The following FMO4 variants were observed in gnomAD, a reference collection of about 807,000 sequenced individuals.
FMO4 encodes the protein flavin containing dimethylaniline monoxygenase 4, also known as dimethylaniline monooxygenase [N-oxide-forming] 4.
FMO4 carries 38 observed loss-of-function variants against 43.3 expected under a neutral mutation model. The observed-to-expected ratio is 0.88, with a 90% CI of 0.68 to 1.15. The LOEUF is 1.15. Ranked by LOEUF, FMO4 falls within the 50% of genes most tolerant of loss-of-function variation. The pLI is 0.00. For missense variants in FMO4, 631 were observed against 663.3 expected (o/e 0.95, Z 0.54); for synonymous variants, 224 against 232.2 (o/e 0.96, Z 0.32).
chr1:171,335,026 C>T (rs1180076808), intron 8 of FMO4, among the ~76,000 whole-genome samples: 2 of 152,160 alleles, frequency 1.3e-5, no homozygotes, highest in African/African-American at 4.8e-5. Context: ...TTATTGAAGG[C>T]TTCATGATCC....
intron 1 of FMO4, among the ~76,000 whole-genome samples, chr1:171,314,702 T>G (rs1662125404): frequency 6.6e-6 from 1 of 152,154 alleles, no homozygotes; most frequent in East Asian, 1.9e-4. Context: ...GATTTCATCT[T>G]ATGAATGAGA....
At chr1:171,338,310 C>T (rs1432771446) in intron 9 of FMO4, among the ~76,000 whole-genome samples, 1 of 152,102 alleles carries the variant, frequency 6.6e-6, no homozygotes, top group African/African-American at 2.4e-5. Context: ...ACCTGGTCTC[C>T]CTCCTTCCAC....
intron 7 of FMO4, among the ~76,000 whole-genome samples, chr1:171,333,411 A>G (rs1662983604): frequency 6.6e-6 from 1 of 151,936 alleles, no homozygotes; most frequent in South Asian, 2.1e-4. Context: ...TTTAGTAGAG[A>G]CAGTGTTTCA....
At chr1:171,319,295 T>C (rs886644663) in intron 2 of FMO4, among the ~76,000 whole-genome samples, 2 of 152,174 alleles carry the variant, frequency 1.3e-5, no homozygotes, top group African/African-American at 4.8e-5. Context: ...GAACTCCTCT[T>C]GATATTCAAA....
At position 171,330,262 on chromosome 1, in the gene FMO4, C is replaced by T. The variant is rs115035587; in HGVS notation, c.485-1378C>T. Among the ~76,000 whole-genome samples the T allele has an allele frequency of 5.1e-3, 775 of 152,332 alleles. 7 individuals are homozygous for T. Among genetic ancestry groups the T allele is most frequent in the African/African-American group, 0.018 (754 of 41,566 alleles). ...TTCTCTTTCAGATTCTTTGTCAATG[C>T]TTCATCTCATCTGTGATTCTGGCCA... On this transcript the variant is annotated intron_variant, in intron 5 of 9. Transcript: ENST00000367749.
rs371939085 is a variant in FMO4, at chr1:171,341,576, C to T, written c.1414C>T (p.Arg472Cys). The T allele has an allele frequency of 2.0e-4, 328 of 1,614,012 alleles. No individual in the cohort carries two copies. Among genetic ancestry groups the T allele is most frequent in the Non-Finnish European group, 2.6e-4 (306 of 1,179,984 alleles). ...TGGACCATGTACTCCTTATCAGTACCGCCTCATGGGCCCTGGAAAATGGGA... is the reference window on the plus strand; with the variant it reads ...TGGACCATGTACTCCTTATCAGTACTGCCTCATGGGCCCTGGAAAATGGGA... Reference protein sequence around the residue: ...FFGPCTPYQYRLMGPGKWDGA... With the variant: ...FFGPCTPYQYCLMGPGKWDGA... The change falls in exon 10 of 10, where the codon CGC (arginine) becomes TGC (cysteine). Residue 472 changes from arginine (R) to cysteine (C), a missense_variant. Coordinates refer to ENST00000367749, the MANE Select transcript of FMO4 (RefSeq NM_002022.3).
At chr1:171,327,056 G>A (rs1326416871) in intron 5 of FMO4, among the ~76,000 whole-genome samples, 1 of 152,002 alleles carries the variant, frequency 6.6e-6, no homozygotes, top group African/African-American at 2.4e-5. Flanking sequence ...ATTGTGTGAG[G>A]CAATATGAAA....
At chr1:171,318,901 T>C (rs1273704706) in intron 2 of FMO4, among the ~76,000 whole-genome samples, 1 of 152,184 alleles carries the variant, frequency 6.6e-6, no homozygotes, top group Non-Finnish European at 1.5e-5. Context: ...AAACCCCTTA[T>C]GGGAAGGGGA....
chr1:171,332,695 A>T lies in FMO4; in HGVS notation c.628-14A>T. 6.3e-7 allele frequency: 1 copy of T among 1,598,548 alleles called. No individual in the cohort carries two copies. The highest frequency in any genetic ancestry group is 8.6e-7 in the Non-Finnish European group (1 of 1,168,046). On this transcript the variant is annotated splice_polypyrimidine_tract_variant and intron_variant, in intron 6 of 9. Transcript: ENST00000367749. ...AACATTTATTTATCCTTCTTGCCTTACTTTACTTTTTAGGTACTTCTCAGT... is the reference window on the plus strand; with the variant it reads ...AACATTTATTTATCCTTCTTGCCTTTCTTTACTTTTTAGGTACTTCTCAGT...
chr1:171,330,167 G>A (rs1188887314), intron 5 of FMO4, among the ~76,000 whole-genome samples: 1 of 152,182 alleles, frequency 6.6e-6, no homozygotes. Flanking sequence ...TTTAATCTTT[G>A]TATATTGACA....
intron 2 of FMO4, among the ~76,000 whole-genome samples, chr1:171,319,529 T>G (rs1207150201): frequency 6.6e-6 from 1 of 152,188 alleles, no homozygotes; most frequent in Admixed American, 6.5e-5. Flanking sequence ...CAGTATTTCC[T>G]TGCCTCCTGT....
At chr1:171,318,414 G>A (rs1327960241) in intron 2 of FMO4, among the ~76,000 whole-genome samples, 4 of 152,042 alleles carry the variant, frequency 2.6e-5, no homozygotes, top group Non-Finnish European at 5.9e-5. Flanking sequence ...ACTTTGGGAG[G>A]CCAAGGCAGG....
At chr1:171,324,063 C>T in intron 4 of FMO4, 75 bp from the exon 5 acceptor site, 1 of 1,353,128 alleles carries the variant, frequency 7.4e-7, no homozygotes, top group East Asian at 2.5e-5. Context: ...AAGTAACAGA[C>T]ATGGTTACCA....
At chr1:171,317,746 T>C (rs1454426160) in intron 2 of FMO4, among the ~76,000 whole-genome samples, 2 of 152,198 alleles carry the variant, frequency 1.3e-5, no homozygotes, top group African/African-American at 2.4e-5. Flanking sequence ...TTTTCTATTA[T>C]GGTCAGTCTT....
chr1:171,339,813 G>A (rs1003089110), intron 9 of FMO4, among the ~76,000 whole-genome samples: 2 of 152,184 alleles, frequency 1.3e-5, no homozygotes, highest in African/African-American at 4.8e-5. Flanking sequence ...AGATGGCCTT[G>A]GGAACCTCCA....
At chr1:171,321,664 G>A (rs760148899) in intron 3 of FMO4, among the ~76,000 whole-genome samples, 1 of 138,726 alleles carries the variant, frequency 7.2e-6, no homozygotes, top group Non-Finnish European at 1.5e-5. Flanking sequence ...AGATACAGAG[G>A]GCCAGCTGTA....
intron 2 of FMO4, among the ~76,000 whole-genome samples, chr1:171,316,801 C>T (rs1461702610): frequency 1.3e-5 from 2 of 152,126 alleles, no homozygotes; most frequent in African/African-American, 4.8e-5. Flanking sequence ...ATTGGCAGCC[C>T]TAGGAAATCC....
intron 5 of FMO4, among the ~76,000 whole-genome samples, chr1:171,330,056 T>C (rs577442997): frequency 3.2e-4 from 48 of 152,376 alleles, no homozygotes; most frequent in Middle Eastern, 3.4e-3. Flanking sequence ...AGATCTCTTA[T>C]GTTTTTAACA....
intron 5 of FMO4, among the ~76,000 whole-genome samples, chr1:171,327,539 A>AT (rs1051142977): frequency 0.014 from 2,081 of 149,470 alleles, 55 homozygotes; most frequent in African/African-American, 0.049. Flanking sequence ...TTGCCCAGGG[A>AT]TTTTTTTTTT....
Sources: gnomAD v4.1 joint callset for allele counts (sites outside exome capture counted in the v4.1 genomes callset) on GRCh38, gnomAD v4.1.1 for gene constraint, MANE v1.5 for transcripts, NCBI Gene and HGNC (gene_info 2026-07-23, HGNC 2026-07-21) for gene names.